Variants in NECTIN3 observed in about 807,000 individuals in gnomAD.
NECTIN3 encodes the protein nectin cell adhesion molecule 3.
In NECTIN3, 8 loss-of-function variants were observed where a neutral mutation model predicts 49.4. The observed-to-expected ratio is 0.16, with a 90% confidence interval of 0.10 to 0.29. NECTIN3 has a LOEUF of 0.29. Ranked by LOEUF, NECTIN3 falls within the 10% of genes least tolerant of loss-of-function variation. The pLI, the probability that NECTIN3 is intolerant of heterozygous loss-of-function variation, is 1.00. For synonymous variants in NECTIN3, 277 were observed against 241.1 expected (o/e 1.15, Z -1.38); for missense variants, 581 against 654.6 (o/e 0.89, Z 1.23).
intron 1 of NECTIN3, among the ~76,000 whole-genome samples, chr3:111,082,658 T>G (rs2031688720): frequency 1.3e-5 from 2 of 152,220 alleles, no homozygotes; most frequent in Admixed American, 1.3e-4. Flanking sequence ...GGGACTGGTT[T>G]TGTGGAAGAC....
chr3:111,183,341 C>A (rs933622162), intron 7 of NECTIN3, among the ~76,000 whole-genome samples: 2 of 143,558 alleles, frequency 1.4e-5, no homozygotes, highest in Non-Finnish European at 3.0e-5. Context: ...AACAAAGTTT[C>A]ATTCTTGTTG....
intron 1 of NECTIN3, among the ~76,000 whole-genome samples, chr3:111,082,391 A>T (rs1034684533): frequency 6.6e-6 from 1 of 151,936 alleles, no homozygotes; most frequent in East Asian, 1.9e-4. Flanking sequence ...GAAGAGAGAG[A>T]GTGAGAAGAA....
chr3:111,080,813 C>T (rs2031549782), intron 1 of NECTIN3, among the ~76,000 whole-genome samples: 1 of 152,100 alleles, frequency 6.6e-6, no homozygotes, highest in Non-Finnish European at 1.5e-5. Flanking sequence ...CTTATGAACT[C>T]ATTAATACGA....
intron 7 of NECTIN3, chr3:111,147,557 C>T: frequency 7.8e-7 from 1 of 1,289,350 alleles, no homozygotes; most frequent in Non-Finnish European, 1.1e-6. Context: ...TGTATTATTT[C>T]TTTCAAAATG....
Position 111,194,097 on chromosome 3 carries a change from T to A in NECTIN3, c.63+1684T>A, listed in dbSNP as rs537950449. On this transcript the variant is annotated intron_variant, in intron 1 of 1. Coordinates refer to the NECTIN3 transcript ENST00000485506. ...AGGCTCTACTTTTGCTCTGTCACTG[T>A]TCCTACAGTCCTGTTCTTTACTAGC... Among the ~76,000 whole-genome samples the A allele has an allele frequency of 2.6e-5, 4 of 152,322 alleles. No homozygotes were observed. The South Asian group carries it at 6.2e-4, about 24-fold the overall frequency.
intron 2 of NECTIN3, among the ~76,000 whole-genome samples, chr3:111,118,286 T>G (rs1170807166): frequency 4.8e-5 from 3 of 63,016 alleles, no homozygotes; most frequent in African/African-American, 1.3e-4. Flanking sequence ...ATATATATTA[T>G]ACATATATAA....
chr3:111,189,383 A>G (rs893671900), upstream of NECTIN3, among the ~76,000 whole-genome samples: 5 of 152,184 alleles, frequency 3.3e-5, no homozygotes, highest in African/African-American at 9.7e-5. Flanking sequence ...TTTAGGTTTT[A>G]TTATTATAAT....
At chr3:111,154,649 C>A (rs1036857897) in intron 7 of NECTIN3, among the ~76,000 whole-genome samples, 57 of 152,132 alleles carry the variant, frequency 3.7e-4, no homozygotes, top group African/African-American at 1.3e-3. Flanking sequence ...CTTACCAACA[C>A]TTATGGTCAG....
chr3:111,146,069 T>C (rs1305557586), intron 6 of NECTIN3, among the ~76,000 whole-genome samples: 1 of 152,226 alleles, frequency 6.6e-6, no homozygotes, highest in African/African-American at 2.4e-5. Flanking sequence ...AAAAAACAAT[T>C]ATTTTAAATA....
At chr3:111,184,029 A>G (rs1038206419) in intron 7 of NECTIN3, among the ~76,000 whole-genome samples, 1 of 151,980 alleles carries the variant, frequency 6.6e-6, no homozygotes, top group Admixed American at 6.6e-5. Context: ...ACTATATTCA[A>G]TTTTTTCAGC....
intron 1 of NECTIN3, among the ~76,000 whole-genome samples, chr3:111,108,615 C>T (rs1013213066): frequency 2.0e-5 from 3 of 152,266 alleles, no homozygotes; most frequent in South Asian, 2.1e-4. Flanking sequence ...TATTTTGGCT[C>T]ACCATTCTTC....
intron 1 of NECTIN3, among the ~76,000 whole-genome samples, chr3:111,104,366 G>A (rs1243763782): frequency 6.9e-6 from 1 of 145,402 alleles, no homozygotes; most frequent in African/African-American, 2.6e-5. Flanking sequence ...TGTCTACAAG[G>A]CTGGAGTGCA....
intron 7 of NECTIN3, among the ~76,000 whole-genome samples, chr3:111,151,377 A>G (rs1317222599): frequency 1.3e-5 from 2 of 151,652 alleles, no homozygotes; most frequent in Non-Finnish European, 2.9e-5. Flanking sequence ...ATATTTCAGT[A>G]TATTTAATGT....
At chr3:111,152,700 C>T (rs2035024121) in intron 7 of NECTIN3, among the ~76,000 whole-genome samples, 1 of 151,800 alleles carries the variant, frequency 6.6e-6, no homozygotes, top group Admixed American at 6.6e-5. Context: ...CATGTATCTC[C>T]ACTGGTTTAT....
intron 1 of NECTIN3, among the ~76,000 whole-genome samples, chr3:111,089,150 T>C (rs2107385461): frequency 6.6e-6 from 1 of 152,222 alleles, no homozygotes; most frequent in South Asian, 2.1e-4. Flanking sequence ...CCCTATGTTT[T>C]CATTTCTTAT....
chr3:111,104,412 C>G (rs1185984011), intron 1 of NECTIN3, among the ~76,000 whole-genome samples: 3 of 143,740 alleles, frequency 2.1e-5, no homozygotes, highest in African/African-American at 7.8e-5. Context: ...CCTTGACCTT[C>G]TAGGCTCAAG....
intron 1 of NECTIN3, among the ~76,000 whole-genome samples, chr3:111,107,351 C>T (rs1188448114): frequency 6.6e-6 from 1 of 152,036 alleles, no homozygotes; most frequent in Non-Finnish European, 1.5e-5. Context: ...GTCTCTTTCT[C>T]TGAAAGAATA....
Position 111,137,482 on chromosome 3 carries a change from C to T in NECTIN3, c.*3267C>T. The T allele has an allele frequency of 4.2e-6, 4 of 943,678 alleles. No individual in the cohort carries two copies. Among genetic ancestry groups the T allele is most frequent in the Non-Finnish European group, 4.9e-6 (4 of 811,894 alleles). 58.5% of individuals were successfully genotyped at this position (943,678 alleles called of 1,614,324 possible). ...TTTGTTTTGTTTTTTCTTTTTTAAC[C>T]AACCTGTGTATTAGGTGTTAGCCCC... On this transcript the variant is annotated 3_prime_UTR_variant, in exon 6 of 6. Transcript: ENST00000485303.
intron 7 of NECTIN3, among the ~76,000 whole-genome samples, chr3:111,162,123 C>A (rs1175483380): frequency 6.6e-6 from 1 of 152,062 alleles, no homozygotes; most frequent in African/African-American, 2.4e-5. Flanking sequence ...AATATCTTTG[C>A]AGGGTTTTCT....
Sources: allele counts gnomAD v4.1 joint callset (sites outside exome capture counted in the v4.1 genomes callset), GRCh38; gene constraint gnomAD v4.1.1; transcripts MANE v1.5; gene names NCBI Gene and HGNC (gene_info 2026-07-23, HGNC 2026-07-21).